Variants in LMF2 observed in about 807,000 individuals in gnomAD.
LMF2 encodes transmembrane protein 112B.
LMF2 carries 113 observed loss-of-function variants against 81.5 expected under a neutral mutation model. The ratio of observed to expected loss-of-function variants is 1.39; its 90% CI spans 1.19 to 1.62. The LOEUF is 1.62. Ranked by LOEUF, LMF2 falls within the 40% of genes most tolerant of loss-of-function variation. The probability of loss-of-function intolerance (pLI) is 0.00; values close to 1 mark genes in which losing one functional copy is unlikely to be tolerated. For synonymous variants in LMF2, 645 were observed against 424.5 expected (o/e 1.52, Z -6.39); for missense variants, 1,235 against 929.1 (o/e 1.33, Z -4.28).
chr22:50,503,789 C>G lies in LMF2; in HGVS notation c.1815+19G>C, dbSNP rs777172053. On this transcript the variant is annotated intron_variant, in intron 13 of 13. Coordinates refer to ENST00000474879, the MANE Select transcript of LMF2 (RefSeq NM_033200.3). ...GGTCACCCCTGCCACCTCCCCCAGC[C>G]TGGCTGACACCCCCTTACCTGTAGT... 9 of 1,601,926 alleles carry G rather than the reference C, an allele frequency of 5.6e-6. No individual in the cohort carries two copies. Among genetic ancestry groups the G allele is most frequent in the Non-Finnish European group, 6.8e-6 (8 of 1,177,884 alleles).
At chr22:50,505,879 C>G (rs761491741) in intron 5 of LMF2, 64 bp from the exon 6 acceptor site, 12 of 1,600,008 alleles carry the variant, frequency 7.5e-6, no homozygotes, top group Non-Finnish European at 9.4e-6. Context: ...AGGCACCCAC[C>G]TCCACCCTGC....
At position 50,504,853 on chromosome 22, in the gene LMF2, A is replaced by G. The variant is rs761460988; in HGVS notation, c.1386T>C (p.Gly462=). The change falls in exon 10 of 14, where the codon GGT becomes GGC. Residue 462 remains glycine (G), a synonymous_variant. Coordinates refer to ENST00000474879, the MANE Select transcript of LMF2 (RefSeq NM_033200.3). ...YGLFRRMTGL[G]GRPEVVLEGS... is the part of the protein sequence containing the mutation. The stretch of plus-strand genomic sequence containing the variant: ...CCTCCAGCACCACCTCAGGCCGTCC[A>G]CCAAGCCCAGTCATGCGGCGGAAGA... 1 of 1,611,144 alleles carries G rather than the reference A, an allele frequency of 6.2e-7. No individual in the cohort carries two copies. Among genetic ancestry groups the G allele is most frequent in the Non-Finnish European group, 8.5e-7 (1 of 1,178,952 alleles).
chr22:50,504,781 G>A (rs775236466), intron 10 of LMF2, 21 bp downstream of exon 10: 2 of 1,603,824 alleles, frequency 1.2e-6, no homozygotes, highest in South Asian at 1.1e-5. Flanking sequence ...CCACCACCCT[G>A]CCCGCCCTGG....
At chr22:50,506,261 C>A (rs1246360580) in intron 4 of LMF2, 24 bp downstream of exon 4, 1 of 1,548,280 alleles carries the variant, frequency 6.5e-7, no homozygotes, top group Non-Finnish European at 8.7e-7. Flanking sequence ...CCAGACTACC[C>A]CAGGTCCAGA....
Position 50,506,984 on chromosome 22 carries a change from T to C in LMF2, c.146A>G (p.Gln49Arg), listed in dbSNP as rs768553232. The change falls in exon 2 of 14, where the codon CAG becomes CGG. Residue 49 changes from glutamine to arginine, a missense_variant. Transcript: ENST00000474879. ...ILPARRTLRP[Q>R]GKGRWQQLWE... ...CAGCTGCTGCCAGCGCCCCTTGCCC[T>C]GAGGCCGCAGCGTCCTCCTTGCAGG... is the stretch of plus-strand genomic sequence containing the variant. The C allele has an allele frequency of 2.0e-5, 32 of 1,593,644 alleles. No individual in the cohort carries two copies. In the South Asian group the frequency reaches 3.6e-4, roughly 18 times the overall value.
In LMF2 at chr22:50,503,402, GCCGGGTGGT is replaced by G. The variant is rs2068456167; in HGVS notation, c.2104_2112del (p.Thr702_Arg704del). The G allele has an allele frequency of 6.2e-7, 1 of 1,610,052 alleles. No individual in the cohort carries two copies. The highest frequency in any genetic ancestry group is 8.5e-7 in the Non-Finnish European group (1 of 1,178,986). ...CTGGGAGAACACAGCTACTTCTTTC[GCCGGGTGGT>G]CCTCGAACTACTGGAGCAGGGGTTG... On this transcript the variant is annotated inframe_deletion, in exon 14 of 14. Coordinates refer to ENST00000474879, the MANE Select transcript of LMF2 (RefSeq NM_033200.3).
intron 13 of LMF2, 21 bp from the exon 14 acceptor site, chr22:50,503,720 G>T: frequency 1.9e-6 from 3 of 1,571,634 alleles, no homozygotes; most frequent in Non-Finnish European, 2.6e-6. Context: ...GAGGGAGGGA[G>T]GGAGGTTGGG....
rs1453958560 is a variant in LMF2, at chr22:50,506,360, G to A, written c.520C>T (p.Leu174=). The change falls in exon 4 of 14, where the codon CTG becomes TTG. Residue 174 remains leucine, a synonymous_variant. Coordinates refer to ENST00000474879, the MANE Select transcript of LMF2 (RefSeq NM_033200.3). The stretch of plus-strand genomic sequence containing the variant: ...GAGGCGAACATGAGGCGGAACAGCA[G>A]CCATCGCACCAGCCAGAAGGGGAGG... The part of the protein sequence containing the change: ...EDLPFWLVRW[L]LFRLMFASGV... The A allele has an allele frequency of 1.5e-5, 23 of 1,549,576 alleles. No homozygotes were observed. Among genetic ancestry groups the A allele is most frequent in the Middle Eastern group, 1.7e-4 (1 of 6,012 alleles).
chr22:50,505,388 C>CA lies in LMF2; in HGVS notation c.1051+14dup, dbSNP rs2068532136. The stretch of plus-strand genomic sequence containing the variant: ...GTCCGCCCCTGCCCTCTGGCCCCCC[C>CA]AGGTCGGCACTCACTGGTTCTGGAG... On this transcript the variant is annotated intron_variant, in intron 7 of 13. Transcript: ENST00000474879. 8 of 1,613,138 alleles carry CA rather than the reference C, an allele frequency of 5.0e-6. No homozygotes were observed. Among genetic ancestry groups the CA allele is most frequent in the South Asian group, 1.1e-5 (1 of 91,094 alleles).
At position 50,505,808 on chromosome 22, in the gene LMF2, A is replaced by T. The variant is rs1249752399; in HGVS notation, c.782T>A (p.Leu261Gln). 1 of 1,613,004 alleles carries T rather than the reference A, an allele frequency of 6.2e-7. No individual in the cohort carries two copies. The highest frequency in any genetic ancestry group is 1.7e-5 in the Admixed American group (1 of 60,012). ...RLAAFYSQVL[L>Q]QVLIIITGNY... is the part of the protein sequence containing the mutation. ...GCCGGTGATGATAATCAGGACCTGC[A>T]GCAGCACCTGGGGGCGGCCCGCTCT... Residue 261 changes from leucine to glutamine, a missense_variant, in exon 6 of 14, where the codon CTG becomes CAG. Physicochemically the swap from Leu to Gln is moderately radical, Grantham distance 113 (BLOSUM62 -2). Transcript: ENST00000474879.
At position 50,505,091 on chromosome 22, in the gene LMF2, C is replaced by A. The variant is rs550896134; in HGVS notation, c.1220G>T (p.Gly407Val). The A allele has an allele frequency of 3.1e-6, 5 of 1,612,860 alleles. No homozygotes were observed. The highest frequency in any genetic ancestry group is 3.4e-6 in the Non-Finnish European group (4 of 1,180,008). The change falls in exon 9 of 14, where the codon GGC becomes GTC. Residue 407 changes from glycine to valine, a missense_variant. Gly to Val is a moderately radical substitution (Grantham distance 109). Transcript: ENST00000474879. Reference protein sequence around the residue: ...LSAVVQLSLVGTATVALFLIS... With the variant: ...LSAVVQLSLVVTATVALFLIS... ...CAGGAACAAGGCCACGGTCGCAGTG[C>A]CCACAAGGGACAGTTGGACTACAGC... is the stretch of plus-strand genomic sequence containing the variant.
At position 50,504,872 on chromosome 22, in the gene LMF2, C is replaced by G; in HGVS notation, c.1367G>C (p.Arg456Pro). The G allele has an allele frequency of 6.2e-7, 1 of 1,610,960 alleles. No individual in the cohort carries two copies. Among genetic ancestry groups the G allele is most frequent in the Non-Finnish European group, 8.5e-7 (1 of 1,178,980 alleles). The part of the protein sequence containing the change: ...LQLANSYGLF[R>P]RMTGLGGRPE... ...CCGTCCACCAAGCCCAGTCATGCGG[C>G]GGAAGAGGCCGTAGGAGTTGGCCAG... is the stretch of plus-strand genomic sequence containing the variant. The change falls in exon 10 of 14, where the codon CGC becomes CCC. Residue 456 changes from arginine (R) to proline (P), a missense_variant. Coordinates refer to ENST00000474879, the MANE Select transcript of LMF2 (RefSeq NM_033200.3).
intron 11 of LMF2, 37 bp downstream of exon 11, chr22:50,504,522 C>T (rs752687149): frequency 7.4e-5 from 113 of 1,529,414 alleles, no homozygotes; most frequent in Middle Eastern, 4.6e-4. Flanking sequence ...CCCGCTCCAC[C>T]CCAGCCCACT....
rs1422118645 is a variant in LMF2, at chr22:50,506,419, T to TG, written c.460dup (p.Gln154ProfsTer83). On this transcript the variant is annotated frameshift_variant, in exon 4 of 14. Transcript: ENST00000474879. LOFTEE classifies it high-confidence loss of function. ...GGGCAGGGCCCCTGCCTGCCTGCCC[T>TG]GGGGGGCCTCCTTGCGGTGGGAGGC... is the stretch of plus-strand genomic sequence containing the variant. 1 of 1,550,530 alleles carries TG rather than the reference T, an allele frequency of 6.4e-7. No individual in the cohort carries two copies. Among genetic ancestry groups the TG allele is most frequent in the East Asian group, 2.4e-5 (1 of 41,238 alleles).
At position 50,504,937 on chromosome 22, in the gene LMF2, G is replaced by A. The variant is rs557794382; in HGVS notation, c.1302C>T (p.Thr434=). The A allele has an allele frequency of 2.0e-5, 32 of 1,606,930 alleles. No homozygotes were observed. The East Asian group carries it at 3.1e-4, about 16-fold the overall frequency. The change falls in exon 10 of 14, where the codon ACC becomes ACT. Residue 434 remains threonine, a synonymous_variant. Coordinates refer to ENST00000474879, the MANE Select transcript of LMF2 (RefSeq NM_033200.3). ...VEPGTHGRLW[T]GAHRLFGAVE... Reference sequence around the variant, plus strand: ...CGGCACCAAACAGGCGGTGGGCCCCGGTCCAGAGGCGCCCGTGGGTCCCGG... The same window carrying A: ...CGGCACCAAACAGGCGGTGGGCCCCAGTCCAGAGGCGCCCGTGGGTCCCGG...
At chr22:50,505,176 G>A (rs534340880) in intron 8 of LMF2, 23 bp from the exon 9 acceptor site, 21 of 1,612,762 alleles carry the variant, frequency 1.3e-5, no homozygotes, top group African/African-American at 9.3e-5. Flanking sequence ...ACCCAAGGTC[G>A]TCAGGCCGGC....
Position 50,504,440 on chromosome 22 carries a change from C to T in LMF2, c.1618G>A (p.Val540Ile). The T allele has an allele frequency of 6.2e-7, 1 of 1,611,696 alleles. No homozygotes were observed. The highest frequency in any genetic ancestry group is 1.3e-5 in the African/African-American group (1 of 74,898). ...GGATACCTGGCCACTTGGCTCTGGA[C>T]AAGGCGGATCACTGCAGCGAGAGGC... The part of the protein sequence containing the change: ...LQGKEPVIRL[V>I]QSQVARYPFH... Residue 540 changes from valine to isoleucine, a missense_variant, in exon 12 of 14, where the codon GTC becomes ATC. Val to Ile is a conservative substitution (Grantham distance 29). Transcript: ENST00000474879.
chr22:50,505,872 C>A, intron 5 of LMF2, 57 bp from the exon 6 acceptor site: 2 of 1,600,866 alleles, frequency 1.2e-6, no homozygotes, highest in South Asian at 1.1e-5. Flanking sequence ...CCGTGGCAGG[C>A]ACCCACCTCC....
chr22:50,503,962 C>G (rs370339247), intron 12 of LMF2, 58 bp from the exon 13 acceptor site: 2 of 1,479,676 alleles, frequency 1.4e-6, no homozygotes, highest in Non-Finnish European at 1.9e-6. Context: ...TACCCCATCG[C>G]CAGTGCCCAG....
Sources: allele counts gnomAD v4.1 joint callset, GRCh38; gene constraint gnomAD v4.1.1; transcripts MANE v1.5; gene names NCBI Gene and HGNC (gene_info 2026-07-23, HGNC 2026-07-21).